The following PSMA8 variants were observed in gnomAD, a reference collection of about 807,000 sequenced individuals.
The protein encoded by PSMA8 is proteasome 20S subunit alpha 8, also known as proteasome subunit alpha-type 8.
PSMA8 carries 18 observed loss-of-function variants against 32.4 expected under a neutral mutation model. That is an observed-to-expected ratio of 0.56 (90% confidence interval 0.38 to 0.82). The LOEUF is 0.82. Ranked by LOEUF, PSMA8 falls within the 40% of genes least tolerant of loss-of-function variation. PSMA8 has a pLI of 0.00. For synonymous variants in PSMA8, 104 were observed against 98.1 expected (o/e 1.06, Z -0.36); for missense variants, 298 against 300.7 (o/e 0.99, Z 0.07).
Position 26,180,096 on chromosome 18 carries a change from CA to C in PSMA8, c.660+974del, listed in dbSNP as rs563090723. On this transcript the variant is annotated intron_variant, in intron 6 of 6. Coordinates refer to ENST00000415576, the MANE Select transcript of PSMA8 (RefSeq NM_001025096.2). ...TGAAACCCCGTCTCTACTAAAAATA[CA>C]AAAAAAATAGCTGGGCGTGGTGGCA... 3.2e-3 allele frequency among the ~76,000 whole-genome samples: 488 copies of C among 151,550 alleles called. 4 individuals are homozygous for C. The highest frequency in any genetic ancestry group is 0.01 in the African/African-American group (433 of 41,340).
chr18:26,134,186 T>A (rs1199816947), intron 1 of PSMA8, 119 bp downstream of exon 1: 8 of 681,412 alleles, frequency 1.2e-5, no homozygotes, highest in African/African-American at 1.8e-5. Flanking sequence ...CCCACACTTG[T>A]GAAAATTACT....
In PSMA8 at chr18:26,178,900, T is replaced by C; in HGVS notation, c.548T>C (p.Ile183Thr). 2 of 1,613,896 alleles carry C rather than the reference T, an allele frequency of 1.2e-6. No homozygotes were observed. The highest frequency in any genetic ancestry group is 1.7e-6 in the Non-Finnish European group (2 of 1,179,846). The change falls in exon 5 of 7, where the codon ATA (isoleucine) becomes ACA (threonine). Residue 183 changes from isoleucine (I) to threonine (T), a missense_variant. By Grantham distance (89) the Ile-to-Thr change is moderately conservative (BLOSUM62 -1). Transcript: ENST00000415576. ...FLEKNYTEDA[I>T]ASDSEAIKLA... is the part of the protein sequence containing the mutation. ...GAAAAGAATTACACAGAAGATGCCA[T>C]AGCAAGTGACAGTGAAGCTATCAAG...
At chr18:26,179,198 G>A (rs1387724901) in intron 6 of PSMA8, 68 bp downstream of exon 6, 7 of 1,276,952 alleles carry the variant, frequency 5.5e-6, no homozygotes, top group Non-Finnish European at 7.9e-6. Context: ...TTAAAAAGTT[G>A]TTGGCCTCTA....
At chr18:26,180,729 C>G (rs966843305) in intron 6 of PSMA8, among the ~76,000 whole-genome samples, 3 of 149,906 alleles carry the variant, frequency 2.0e-5, no homozygotes, top group African/African-American at 4.9e-5. Context: ...CACACACACA[C>G]AGAGTTATAT....
Position 26,192,664 on chromosome 18 carries a change from C to A in PSMA8, c.*253C>A. 1 of 232,942 alleles carries A rather than the reference C, an allele frequency of 4.3e-6. No individual in the cohort carries two copies. The highest frequency in any genetic ancestry group is 8.0e-6 in the Non-Finnish European group (1 of 125,446). 14.4% of individuals were successfully genotyped at this position (232,942 alleles called of 1,614,324 possible). A position where few individuals can be genotyped will look rare whatever the true frequency, so the allele number is the denominator to read the frequency against. On this transcript the variant is annotated 3_prime_UTR_variant, in exon 7 of 7. Coordinates refer to ENST00000415576, the MANE Select transcript of PSMA8 (RefSeq NM_001025096.2). ...GTCATAATTCCACATAAGCCTGAGA[C>A]TCTATAATTTGTCCAGTGTCTTACT... is the stretch of plus-strand genomic sequence containing the variant.
chr18:26,165,814 G>A lies in PSMA8; in HGVS notation c.477+7570G>A, dbSNP rs184366165. On this transcript the variant is annotated intron_variant, in intron 4 of 6. Transcript: ENST00000415576. Reference sequence around the variant, plus strand: ...TCATTGTTTAAATTTGAAAAACTACGGCCAGGCGTGGTGGCTCACACCTGT... The same window carrying A: ...TCATTGTTTAAATTTGAAAAACTACAGCCAGGCGTGGTGGCTCACACCTGT... 1.9e-3 allele frequency among the ~76,000 whole-genome samples: 291 copies of A among 152,158 alleles called. 2 individuals are homozygous for A. Among genetic ancestry groups the A allele is most frequent in the African/African-American group, 5.6e-3 (232 of 41,524 alleles).
intron 4 of PSMA8, among the ~76,000 whole-genome samples, chr18:26,161,446 G>C (rs1043628054): frequency 2.0e-5 from 3 of 152,198 alleles, no homozygotes; most frequent in Non-Finnish European, 4.4e-5. Flanking sequence ...ATTACTATCA[G>C]GCTGGCTAAT....
At chr18:26,179,763 G>T (rs1419800006) in intron 6 of PSMA8, among the ~76,000 whole-genome samples, 1 of 151,798 alleles carries the variant, frequency 6.6e-6, no homozygotes, top group Non-Finnish European at 1.5e-5. Flanking sequence ...CTCAAAATTT[G>T]GGAAACTATA....
intron 4 of PSMA8, chr18:26,171,220 G>T: frequency 6.4e-7 from 1 of 1,559,182 alleles, no homozygotes; most frequent in Non-Finnish European, 8.5e-7. Context: ...GGCCAGGGCA[G>T]GTCCCCGTTC....
intron 4 of PSMA8, among the ~76,000 whole-genome samples, chr18:26,171,961 G>A (rs1284267560): frequency 6.6e-6 from 1 of 152,180 alleles, no homozygotes; most frequent in Non-Finnish European, 1.5e-5. Context: ...CCACAGAGTT[G>A]ATGTAATATG....
chr18:26,157,774 C>T (rs781041384), intron 3 of PSMA8, among the ~76,000 whole-genome samples: 5 of 152,114 alleles, frequency 3.3e-5, no homozygotes, highest in Non-Finnish European at 7.3e-5. Flanking sequence ...TTCCAAAGCA[C>T]AGCTTATTGA....
Position 26,178,837 on chromosome 18 carries a change from C to T in PSMA8, c.485C>T (p.Ala162Val), listed in dbSNP as rs753031258. 6.2e-7 allele frequency: 1 copy of T among 1,608,680 alleles called. No homozygotes were observed. The highest frequency in any genetic ancestry group is 8.5e-7 in the Non-Finnish European group (1 of 1,178,300). The change falls in exon 5 of 7, where the codon GCA becomes GTA. Residue 162 changes from alanine (A) to valine (V), a missense_variant. Physicochemically the swap from Ala to Val is moderately conservative, Grantham distance 64 (BLOSUM62 0). Coordinates refer to ENST00000415576, the MANE Select transcript of PSMA8 (RefSeq NM_001025096.2). ...SGTYHAWKANAIGRSAKTVRE... is the reference protein window; with the variant it reads ...SGTYHAWKANVIGRSAKTVRE... ...TAACTTTTATTTTTCAAGGCAAATGCAATAGGCCGAAGTGCTAAAACTGTT... is the reference window on the plus strand; with the variant it reads ...TAACTTTTATTTTTCAAGGCAAATGTAATAGGCCGAAGTGCTAAAACTGTT...
Position 26,139,445 on chromosome 18 carries a change from C to G in PSMA8, c.103-5114C>G, listed in dbSNP as rs185350009. Reference sequence around the variant, plus strand: ...ACTTGATTGCAGCCTTATGAGAGACCCTGAGCCAGAGGAATTAGCTAAACT... The same window carrying G: ...ACTTGATTGCAGCCTTATGAGAGACGCTGAGCCAGAGGAATTAGCTAAACT... On this transcript the variant is annotated intron_variant, in intron 1 of 6. Transcript: ENST00000415576. Among the ~76,000 whole-genome samples the G allele has an allele frequency of 8.5e-5, 13 of 152,260 alleles. No homozygotes were observed. The East Asian group carries it at 2.3e-3, about 27-fold the overall frequency.
intron 4 of PSMA8, among the ~76,000 whole-genome samples, chr18:26,159,006 C>T (rs2055113826): frequency 6.6e-6 from 1 of 151,964 alleles, no homozygotes; most frequent in South Asian, 2.1e-4. Flanking sequence ...CCCCTGCCCC[C>T]CGCAAAAAAC....
intron 3 of PSMA8, among the ~76,000 whole-genome samples, chr18:26,155,693 A>C (rs2055083248): frequency 6.6e-6 from 1 of 152,178 alleles, no homozygotes; most frequent in Admixed American, 6.6e-5. Flanking sequence ...AAAACTATAA[A>C]TCTACTAGAA....
At chr18:26,180,695 G>GACACACACACAC (rs45627236) in intron 6 of PSMA8, among the ~76,000 whole-genome samples, 247 of 143,446 alleles carry the variant, frequency 1.7e-3, no homozygotes, top group African/African-American at 5.8e-3. Flanking sequence ...TATAAAAATA[G>GACACACACACAC]ACACACACAC....
intron 4 of PSMA8, among the ~76,000 whole-genome samples, chr18:26,171,733 CAA>C (rs879821152): frequency 7.6e-6 from 1 of 132,146 alleles, no homozygotes; most frequent in Admixed American, 7.6e-5. Flanking sequence ...GACTCCGTCT[CAA>C]AAAAAAAAAA....
intron 4 of PSMA8, chr18:26,170,862 T>G: frequency 1.3e-6 from 2 of 1,559,526 alleles, no homozygotes; most frequent in Non-Finnish European, 1.7e-6. Flanking sequence ...ACTTTCAAAG[T>G]CTTGCATGAT....
chr18:26,190,842 G>A (rs891428947), intron 6 of PSMA8, among the ~76,000 whole-genome samples: 4 of 152,184 alleles, frequency 2.6e-5, no homozygotes, highest in Non-Finnish European at 4.4e-5. Context: ...GGTTTGTATT[G>A]TAATGATCTA....
Sources: allele counts gnomAD v4.1 joint callset (sites outside exome capture counted in the v4.1 genomes callset), GRCh38; gene constraint gnomAD v4.1.1; transcripts MANE v1.5; gene names NCBI Gene and HGNC (gene_info 2026-07-23, HGNC 2026-07-21).